Variants in SND1 observed in about 807,000 individuals in gnomAD.
SND1 encodes the protein staphylococcal nuclease and tudor domain containing 1.
Under a neutral mutation model 121.7 loss-of-function variants are expected in SND1, and 38 were observed. The observed-to-expected ratio is 0.31, with a 90% confidence interval of 0.24 to 0.41. The LOEUF (loss-of-function observed/expected upper bound fraction) is 0.41, where lower values mean the gene tolerates loss of function less well. Ranked by LOEUF, SND1 falls within the 10% of genes least tolerant of loss-of-function variation. The probability of loss-of-function intolerance (pLI) is 1.00; values close to 1 mark genes in which losing one functional copy is unlikely to be tolerated. For missense variants in SND1, 868 were observed against 1,184.6 expected, an observed-to-expected ratio of 0.73 and a Z score of 3.92; for synonymous variants, 401 against 447.4, an observed-to-expected ratio of 0.90 and a Z score of 1.31.
chr7:127,865,040 T>G (rs1420452180), intron 12 of SND1, among the ~76,000 whole-genome samples: 1 of 152,254 alleles, frequency 6.6e-6, no homozygotes, highest in African/African-American at 2.4e-5. Context: ...ATTATGCTAA[T>G]TCTGGGTAAC....
At chr7:127,995,042 A>G (rs927302152) in intron 16 of SND1, among the ~76,000 whole-genome samples, 1 of 152,098 alleles carries the variant, frequency 6.6e-6, no homozygotes, top group African/African-American at 2.4e-5. Context: ...TAATTCTTTC[A>G]TGTATTGTCT....
At chr7:127,924,535 A>G (rs896133589) in intron 14 of SND1, among the ~76,000 whole-genome samples, 31 of 152,280 alleles carry the variant, frequency 2.0e-4, no homozygotes, top group Middle Eastern at 3.4e-3. Flanking sequence ...ATCACTTTGC[A>G]TACATCTAGT....
At chr7:127,977,626 T>C (rs1056384801) in intron 15 of SND1, among the ~76,000 whole-genome samples, 1 of 152,078 alleles carries the variant, frequency 6.6e-6, no homozygotes, top group Non-Finnish European at 1.5e-5. Flanking sequence ...AAGAATAGTA[T>C]GGTATAAAGT....
At chr7:127,722,079 A>C (rs1347690834) in intron 10 of SND1, among the ~76,000 whole-genome samples, 2 of 152,256 alleles carry the variant, frequency 1.3e-5, no homozygotes, top group Non-Finnish European at 2.9e-5. Context: ...AGAATTGGGA[A>C]TAGGGATTAA....
At chr7:128,090,933 C>T (rs1431288354) in intron 22 of SND1, among the ~76,000 whole-genome samples, 1 of 152,134 alleles carries the variant, frequency 6.6e-6, no homozygotes, top group Non-Finnish European at 1.5e-5. Context: ...GCCCATAATG[C>T]CCCTGCTATC....
intron 15 of SND1, among the ~76,000 whole-genome samples, chr7:127,983,951 G>C (rs1186297851): frequency 2.6e-5 from 4 of 152,122 alleles, no homozygotes; most frequent in Admixed American, 6.5e-5. Flanking sequence ...TTCAGGCTAG[G>C]CATTCTCCCT....
intron 10 of SND1, among the ~76,000 whole-genome samples, chr7:127,756,043 C>CT (rs1327144888): frequency 6.6e-6 from 1 of 152,126 alleles, no homozygotes; most frequent in African/African-American, 2.4e-5. Flanking sequence ...TTTATGAATG[C>CT]TTGGGGATTT....
Position 128,046,935 on chromosome 7 carries a change from T to C in SND1, c.1780-27567T>C, listed in dbSNP as rs73455775. Among the ~76,000 whole-genome samples the C allele has an allele frequency of 4.0e-3, 609 of 152,334 alleles. 3 individuals are homozygous for C. The highest frequency in any genetic ancestry group is 0.014 in the Middle Eastern group (4 of 294). ...GAATATTGTTTACTCTTACCACTTC[T>C]TTGAAAGTATAGTAGTTTTTAGAGC... On this transcript the variant is annotated intron_variant, in intron 16 of 23. Coordinates refer to ENST00000354725, the MANE Select transcript of SND1 (RefSeq NM_014390.4).
rs139709295 is a variant in SND1, at chr7:127,777,519, A to G, written c.1153-29965A>G. On this transcript the variant is annotated intron_variant, in intron 10 of 23. Transcript: ENST00000354725. ...GAAGTTTGGTTGTCCATATTTGGGG[A>G]TGGAGACAAGGTCAGGAATGGACAG... is the stretch of plus-strand genomic sequence containing the variant. Among the ~76,000 whole-genome samples the G allele has an allele frequency of 5.3e-5, 8 of 152,306 alleles. No homozygotes were observed. The East Asian group carries it at 1.4e-3, about 26-fold the overall frequency.
At chr7:128,019,766 T>C (rs1803304700) in intron 16 of SND1, among the ~76,000 whole-genome samples, 1 of 152,200 alleles carries the variant, frequency 6.6e-6, no homozygotes, top group Non-Finnish European at 1.5e-5. Flanking sequence ...GTGATAAAAT[T>C]ATAGCCAGGG....
At chr7:127,926,638 C>T (rs1055206369) in intron 14 of SND1, among the ~76,000 whole-genome samples, 9 of 149,742 alleles carry the variant, frequency 6.0e-5, no homozygotes, top group African/African-American at 1.7e-4. Flanking sequence ...CTGCAAGCTC[C>T]GCCTCTCAGG....
At chr7:127,665,272 C>A (rs988837219) in intron 1 of SND1, among the ~76,000 whole-genome samples, 6 of 151,942 alleles carry the variant, frequency 3.9e-5, no homozygotes, top group African/African-American at 1.5e-4. Flanking sequence ...CTGCAAGCTC[C>A]GTCTCCCGGG....
chr7:128,072,087 C>T (rs748161735), intron 16 of SND1, among the ~76,000 whole-genome samples: 7 of 152,194 alleles, frequency 4.6e-5, no homozygotes, highest in African/African-American at 1.2e-4. Flanking sequence ...TGGAGAAAGG[C>T]GAGCATGTGG....
intron 16 of SND1, chr7:128,028,837 G>C (rs1377487518): frequency 1.2e-6 from 2 of 1,614,188 alleles, no homozygotes; most frequent in Admixed American, 1.7e-5. Flanking sequence ...ATATGGTCAT[G>C]AATTGTGGGC....
chr7:128,081,807 G>A, intron 18 of SND1: 1 of 589,062 alleles, frequency 1.7e-6, no homozygotes, highest in African/African-American at 1.8e-5. Flanking sequence ...GAGTCTCTTA[G>A]GTGATTGTTT....
intron 9 of SND1, among the ~76,000 whole-genome samples, chr7:127,713,918 C>T (rs1587614513): frequency 1.3e-5 from 2 of 152,186 alleles, no homozygotes; most frequent in East Asian, 3.8e-4. Context: ...GACTTTTGTG[C>T]CCGTCGTGGC....
chr7:128,008,090 T>C (rs1006476912), intron 16 of SND1: 6 of 152,202 alleles, frequency 3.9e-5, no homozygotes, highest in Admixed American at 3.3e-4. Flanking sequence ...AATTTGAGAA[T>C]ATGACAGTGG....
intron 15 of SND1, among the ~76,000 whole-genome samples, chr7:127,941,123 A>ATCATTTTAT (rs1209160883): frequency 6.6e-6 from 1 of 152,210 alleles, no homozygotes; most frequent in African/African-American, 2.4e-5. Context: ...ACACAACTGC[A>ATCATTTTAT]TTCTCTCCGT....
intron 10 of SND1, among the ~76,000 whole-genome samples, chr7:127,768,941 T>C (rs1045374619): frequency 6.6e-6 from 1 of 152,174 alleles, no homozygotes; most frequent in Non-Finnish European, 1.5e-5. Flanking sequence ...CCATCAATAT[T>C]TAAAGTTATT....
Sources: allele counts gnomAD v4.1 joint callset (sites outside exome capture counted in the v4.1 genomes callset), GRCh38; gene constraint gnomAD v4.1.1; transcripts MANE v1.5; gene names NCBI Gene and HGNC (gene_info 2026-07-23, HGNC 2026-07-21).